The following GSAP variants were observed in gnomAD, a reference collection of about 807,000 sequenced individuals.
The protein encoded by GSAP is gamma-secretase-activating protein.
Under a neutral mutation model 131.7 loss-of-function variants are expected in GSAP, and 118 were observed. That is an observed-to-expected ratio of 0.90 (90% CI 0.77 to 1.04). The LOEUF is 1.04. Ranked by LOEUF, GSAP falls within the 50% of genes least tolerant of loss-of-function variation. The probability of loss-of-function intolerance (pLI) is 0.00; values close to 1 mark genes in which losing one functional copy is unlikely to be tolerated. For synonymous variants in GSAP, 381 were observed against 363.4 expected (o/e 1.05, Z -0.55); for missense variants, 1,019 against 1,013.2 (o/e 1.01, Z -0.08).
intron 17 of GSAP, 133 bp downstream of exon 17, chr7:77,353,439 G>GTT: frequency 3.4e-6 from 2 of 592,320 alleles, no homozygotes; most frequent in Non-Finnish European, 3.0e-6. Flanking sequence ...CTCCGATAGA[G>GTT]TTTTGTTTTT....
intron 23 of GSAP, among the ~76,000 whole-genome samples, chr7:77,324,805 G>A (rs546341584): frequency 2.8e-5 from 4 of 143,818 alleles, no homozygotes; most frequent in Non-Finnish European, 6.0e-5. Flanking sequence ...CATGTTTGTC[G>A]TGTAAACATT....
In GSAP at chr7:77,323,676, G is replaced by C. The variant is rs1285491180; in HGVS notation, c.1894C>G (p.Gln632Glu). The C allele has an allele frequency of 2.5e-6, 4 of 1,604,996 alleles. No homozygotes were observed. Among genetic ancestry groups the C allele is most frequent in the Admixed American group, 1.7e-5 (1 of 59,664 alleles). The change falls in exon 24 of 31, where the codon CAG becomes GAG. Residue 632 changes from glutamine to glutamate, a missense_variant. Coordinates refer to ENST00000257626, the MANE Select transcript of GSAP (RefSeq NM_017439.4). The stretch of plus-strand genomic sequence containing the variant: ...TTTGAAATGTAGTCCAGAACCATCT[G>C]TTCAATTTTCTTCTTTTCTACACCC... Reference protein sequence around the residue: ...LQGVEKKKIEQMVLDYISKLL... With the variant: ...LQGVEKKKIEEMVLDYISKLL...
intron 19 of GSAP, 42 bp downstream of exon 19, chr7:77,349,309 G>A (rs1792410694): frequency 2.1e-6 from 3 of 1,431,476 alleles, no homozygotes; most frequent in Non-Finnish European, 2.0e-6. Flanking sequence ...CAGAGCTTTA[G>A]TCATGTATCT....
intron 19 of GSAP, among the ~76,000 whole-genome samples, chr7:77,340,318 A>G (rs1318968551): frequency 6.6e-6 from 1 of 152,002 alleles, no homozygotes; most frequent in African/African-American, 2.4e-5. Flanking sequence ...AAAAAGCTTT[A>G]TTGCTCACAC....
intron 10 of GSAP, 118 bp from the exon 11 acceptor site, chr7:77,375,219 A>C (rs1035426365): frequency 5.0e-6 from 3 of 598,574 alleles, no homozygotes; most frequent in Admixed American, 6.6e-5. Flanking sequence ...AATGATATTT[A>C]ACCATCATTG....
intron 19 of GSAP, among the ~76,000 whole-genome samples, chr7:77,346,127 G>C (rs553183680): frequency 1.3e-5 from 2 of 151,328 alleles, no homozygotes; most frequent in African/African-American, 2.4e-5. Flanking sequence ...AAAATTATCC[G>C]GGCATAGTGG....
intron 1 of GSAP, among the ~76,000 whole-genome samples, chr7:77,407,965 A>G (rs917098594): frequency 1.3e-5 from 2 of 152,246 alleles, no homozygotes; most frequent in Non-Finnish European, 2.9e-5. Flanking sequence ...ACTGAGCAAA[A>G]GAACCTTCCC....
chr7:77,355,212 C>A lies in GSAP; in HGVS notation c.1338+1G>T, dbSNP rs767301632. ...TTTTAAAACATGAGCTATCTTCTCA[C>A]CTGGGCTTCCAGGAACTGCGCACCT... On this transcript the variant is annotated splice_donor_variant, in intron 16 of 30. Transcript: ENST00000257626. LOFTEE classifies it high-confidence loss of function. The A allele has an allele frequency of 6.3e-6, 10 of 1,599,184 alleles. No homozygotes were observed. The highest frequency in any genetic ancestry group is 1.7e-5 in the Admixed American group (1 of 59,866).
chr7:77,316,876 T>C (rs1795018460), intron 26 of GSAP, among the ~76,000 whole-genome samples: 1 of 152,150 alleles, frequency 6.6e-6, no homozygotes, highest in South Asian at 2.1e-4. Flanking sequence ...GCAAGTGCAA[T>C]ACAGTTCCTT....
intron 14 of GSAP, 139 bp from the exon 15 acceptor site, chr7:77,355,786 C>CTTTTTTTT (rs1404240959): frequency 8.8e-5 from 27 of 305,280 alleles, no homozygotes; most frequent in South Asian, 3.5e-4. Context: ...AATGACAGCC[C>CTTTTTTTT]GTTTTTTTTT....
At chr7:77,403,602 T>A (rs1249790442) in intron 3 of GSAP, among the ~76,000 whole-genome samples, 1 of 152,154 alleles carries the variant, frequency 6.6e-6, no homozygotes, top group Admixed American at 6.5e-5. Context: ...CTTGTCTGGA[T>A]CACTAAGAAA....
At chr7:77,363,810 CTG>C (rs1433428668) in intron 12 of GSAP, among the ~76,000 whole-genome samples, 2 of 152,242 alleles carry the variant, frequency 1.3e-5, no homozygotes, top group East Asian at 3.9e-4. Flanking sequence ...TGTAAAATGA[CTG>C]TTACGGTTAC....
intron 3 of GSAP, among the ~76,000 whole-genome samples, chr7:77,400,259 T>TAATACACGTGGTGGGG (rs1801101476): frequency 6.7e-6 from 1 of 150,216 alleles, no homozygotes; most frequent in African/African-American, 2.5e-5. Context: ...CCACCAAGAG[T>TAATACACGTGGTGGGG]GAAAGCAAAT....
intron 19 of GSAP, among the ~76,000 whole-genome samples, chr7:77,334,727 C>T (rs1202998935): frequency 2.6e-5 from 4 of 151,886 alleles, no homozygotes; most frequent in Non-Finnish European, 5.9e-5. Flanking sequence ...CCCAGGAAGC[C>T]CATCACCGGC....
Position 77,320,379 on chromosome 7 carries a change from G to A in GSAP, c.2089+346C>T, listed in dbSNP as rs149543573. Among the ~76,000 whole-genome samples, 801 of 152,232 alleles carry A rather than the reference G, an allele frequency of 5.3e-3. 8 individuals are homozygous for A. The highest frequency in any genetic ancestry group is 0.018 in the African/African-American group (757 of 41,538). On this transcript the variant is annotated intron_variant, in intron 26 of 30. Coordinates refer to ENST00000257626, the MANE Select transcript of GSAP (RefSeq NM_017439.4). ...TCAATTCTTGGCACCAAGCCAGACC[G>A]ACTTCCCAGTGTTAATCTTCAGACA...
intron 3 of GSAP, 68 bp from the exon 4 acceptor site, chr7:77,397,483 T>C: frequency 1.1e-6 from 1 of 890,896 alleles, no homozygotes; most frequent in Non-Finnish European, 1.8e-6. Context: ...TGAACATAAA[T>C]TCCCATTAAG....
At chr7:77,324,042 A>C (rs543494365) in intron 23 of GSAP, among the ~76,000 whole-genome samples, 3 of 152,330 alleles carry the variant, frequency 2.0e-5, no homozygotes, top group Admixed American at 2.0e-4. Flanking sequence ...CCAACTTAGA[A>C]GTCACAGGCT....
intron 22 of GSAP, among the ~76,000 whole-genome samples, chr7:77,327,748 C>T (rs1437615175): frequency 6.6e-6 from 1 of 152,094 alleles, no homozygotes; most frequent in Non-Finnish European, 1.5e-5. Flanking sequence ...TTCACTTGGC[C>T]AAGTCCCCTT....
At position 77,376,921 on chromosome 7, in the gene GSAP, C is replaced by G; in HGVS notation, c.682-14G>C. On this transcript the variant is annotated splice_polypyrimidine_tract_variant and intron_variant, in intron 9 of 30. Transcript: ENST00000257626. The stretch of plus-strand genomic sequence containing the variant: ...ACTCCTTGATTTCTAAAAGAGAAAA[C>G]AGAATGGCATATTAAAAAACCAGGA... 3.0e-6 allele frequency: 4 copies of G among 1,346,264 alleles called. No individual in the cohort carries two copies. Among genetic ancestry groups the G allele is most frequent in the Non-Finnish European group, 1.0e-6 (1 of 972,532 alleles). The allele number at this position is 1,346,264 out of a possible 1,614,324, so 83.4% of individuals were successfully genotyped here.
Sources: allele counts gnomAD v4.1 joint callset (sites outside exome capture counted in the v4.1 genomes callset), GRCh38; gene constraint gnomAD v4.1.1; transcripts MANE v1.5; gene names NCBI Gene and HGNC (gene_info 2026-07-23, HGNC 2026-07-21).